The following BBOF1 variants were observed in gnomAD, a reference collection of about 807,000 sequenced individuals.
BBOF1 encodes basal body-orientation factor 1.
BBOF1 carries 62 observed loss-of-function variants against 68.0 expected under a neutral mutation model. That is an observed-to-expected ratio of 0.91 (90% CI 0.74 to 1.13). The LOEUF is 1.13. BBOF1 is among the 50% of genes most tolerant of loss of function. BBOF1 has a pLI of 0.00. For synonymous variants in BBOF1, 208 were observed against 198.8 expected (o/e 1.05, Z -0.39); for missense variants, 534 against 600.1 (o/e 0.89, Z 1.15).
chr14:74,020,703 C>T (rs2059263253), intron 1 of BBOF1, among the ~76,000 whole-genome samples: 1 of 152,232 alleles, frequency 6.6e-6, no homozygotes, highest in South Asian at 2.1e-4. Context: ...AGGGTTTCAC[C>T]ATGTTGGCCA....
intron 11 of BBOF1, chr14:74,059,849 T>C (rs1040986033): frequency 6.5e-6 from 1 of 153,966 alleles, no homozygotes; most frequent in African/African-American, 2.4e-5. Context: ...AGAAGTGATC[T>C]TAAGCAGGAG....
Position 74,019,431 on chromosome 14 carries a change from C to T in BBOF1, c.-48C>T, listed in dbSNP as rs917377393. 3 of 1,574,510 alleles carry T rather than the reference C, an allele frequency of 1.9e-6. No homozygotes were observed. The African/African-American group carries it at 4.1e-5, about 21-fold the overall frequency. On this transcript the variant is annotated 5_prime_UTR_variant, in exon 1 of 12. Coordinates refer to ENST00000394009, the MANE Select transcript of BBOF1 (RefSeq NM_025057.3). Reference sequence around the variant, plus strand: ...CCCTTGGAGACAGAGCTGGCCAGGGCGGCCGCGGCTGGGCAACTACGACAG... The same window carrying T: ...CCCTTGGAGACAGAGCTGGCCAGGGTGGCCGCGGCTGGGCAACTACGACAG...
At chr14:74,028,368 CA>C (rs894166521) in intron 2 of BBOF1, among the ~76,000 whole-genome samples, 2 of 149,008 alleles carry the variant, frequency 1.3e-5, no homozygotes, top group Admixed American at 1.3e-4. Context: ...GACTCTGTCT[CA>C]AAAAAAAGAA....
At chr14:74,050,871 G>C (rs1362527494) in intron 8 of BBOF1, among the ~76,000 whole-genome samples, 4 of 152,130 alleles carry the variant, frequency 2.6e-5, no homozygotes, top group African/African-American at 9.7e-5. Flanking sequence ...CACTTTGGGA[G>C]GCCAAGTCGG....
intron 4 of BBOF1, among the ~76,000 whole-genome samples, chr14:74,037,568 G>A (rs1012817750): frequency 1.3e-5 from 2 of 150,972 alleles, no homozygotes; most frequent in African/African-American, 4.9e-5. Flanking sequence ...AGGCTTACAG[G>A]CATGAGCCAC....
At chr14:74,076,788 G>T (rs2060618011) in intron 9 of BBOF1, among the ~76,000 whole-genome samples, 2 of 152,096 alleles carry the variant, frequency 1.3e-5, no homozygotes, top group Non-Finnish European at 2.9e-5. Context: ...GACCTCAGGT[G>T]ATCCACCCGC....
Position 74,051,001 on chromosome 14 carries a change from T to C in BBOF1, c.1286+806T>C, listed in dbSNP as rs948485633. Reference sequence around the variant, plus strand: ...GCTCATACCTGTAATCCCAGCACTTTGGGAGGCCGAGGAGGGTGGATCGCC... The same window carrying C: ...GCTCATACCTGTAATCCCAGCACTTCGGGAGGCCGAGGAGGGTGGATCGCC... On this transcript the variant is annotated intron_variant, in intron 8 of 11. Transcript: ENST00000394009. Among the ~76,000 whole-genome samples, 4 of 152,030 alleles carry C rather than the reference T, an allele frequency of 2.6e-5. No homozygotes were observed. The East Asian group carries it at 7.8e-4, about 30-fold the overall frequency.
intron 4 of BBOF1, among the ~76,000 whole-genome samples, chr14:74,037,139 AT>A (rs1454776346): frequency 2.7e-5 from 4 of 148,956 alleles, no homozygotes; most frequent in African/African-American, 4.9e-5. Context: ...TGCCCGGCTA[AT>A]TTTTTGTATT....
At chr14:74,057,103 G>A in intron 10 of BBOF1, 41 bp from the exon 11 acceptor site, 1 of 1,604,802 alleles carries the variant, frequency 6.2e-7, no homozygotes, top group Non-Finnish European at 8.5e-7. Flanking sequence ...TTTCATGTGT[G>A]TAGAGTTGTT....
chr14:74,082,391 A>AG, intron 12 of BBOF1, among the ~76,000 whole-genome samples: 1 of 104,810 alleles, frequency 9.5e-6, no homozygotes, highest in Non-Finnish European at 1.9e-5. Context: ...GCCAAAATCG[A>AG]GGTTTTTTTT....
rs565963938 is a variant in BBOF1 at position 74,048,204 on chromosome 14, C to G, written c.792+130C>G. Reference sequence around the variant, plus strand: ...CATTTTCATCTGTCTGGATGATGCACTTTTTTTATCTGAAAAGGTTAAATA... The same window carrying G: ...CATTTTCATCTGTCTGGATGATGCAGTTTTTTTATCTGAAAAGGTTAAATA... On this transcript the variant is annotated intron_variant, in intron 7 of 11. Transcript: ENST00000394009. 4.7e-5 allele frequency: 36 copies of G among 766,874 alleles called. 1 individual carries two copies. The South Asian group carries it at 7.8e-4, about 17-fold the overall frequency. 47.5% of individuals were successfully genotyped at this position (766,874 alleles called of 1,614,324 possible).
chr14:74,022,970 C>T lies in BBOF1; in HGVS notation c.111C>T (p.Ser37=). The T allele has an allele frequency of 6.2e-7, 1 of 1,613,428 alleles. No homozygotes were observed. Among genetic ancestry groups the T allele is most frequent in the Non-Finnish European group, 8.5e-7 (1 of 1,179,674 alleles). Residue 37 remains serine, a synonymous_variant, in exon 2 of 12, where the codon TCC becomes TCT. Transcript: ENST00000394009. The part of the protein sequence containing the change: ...SVVDRAKANA[S]LWEARLEVTE... ...TGGACAGAGCCAAGGCCAATGCCTC[C>T]CTTTGGGAGGCCAGGTTGGAAGTCA...
At chr14:74,048,606 G>A (rs1365371165) in intron 7 of BBOF1, 5 of 152,188 alleles carry the variant, frequency 3.3e-5, no homozygotes, top group East Asian at 3.9e-4. Context: ...TAAATAGCAG[G>A]AAGGAAGAAA....
chr14:74,080,492 C>T (rs538371017), intron 10 of BBOF1, among the ~76,000 whole-genome samples: 3 of 152,066 alleles, frequency 2.0e-5, no homozygotes, highest in Non-Finnish European at 4.4e-5. Context: ...CTTAGCCTCC[C>T]AAGTACCTGG....
chr14:74,079,724 G>A (rs1190742073), intron 10 of BBOF1, among the ~76,000 whole-genome samples: 4 of 152,064 alleles, frequency 2.6e-5, no homozygotes, highest in South Asian at 2.1e-4. Flanking sequence ...GAGCCACTGC[G>A]CCTGGCCTAA....
intron 10 of BBOF1, among the ~76,000 whole-genome samples, chr14:74,079,129 T>C (rs917803227): frequency 4.6e-5 from 7 of 151,806 alleles, no homozygotes; most frequent in African/African-American, 1.7e-4. Flanking sequence ...CTTCAGGTGA[T>C]ACCCACGTAA....
Position 74,064,918 on chromosome 14 carries a change from C to T in BBOF1, c.*219C>T, listed in dbSNP as rs1195994492. On this transcript the variant is annotated 3_prime_UTR_variant, in exon 12 of 12. Coordinates refer to ENST00000394009, the MANE Select transcript of BBOF1 (RefSeq NM_025057.3). ...GCACTGGAATGGGGACATTCACTCC[C>T]ACCTAAAACAGAACAAATCCGTGTC... 1.2e-6 allele frequency: 2 copies of T among 1,613,096 alleles called. No individual in the cohort carries two copies. The highest frequency in any genetic ancestry group is 1.7e-6 in the Non-Finnish European group (2 of 1,179,270).
At chr14:74,058,696 G>T (rs1479170951) in intron 11 of BBOF1, 1 of 151,910 alleles carries the variant, frequency 6.6e-6, no homozygotes. Context: ...AATAAAAAGA[G>T]GATTCAATTG....
At chr14:74,075,707 A>C (rs2060605594) in intron 9 of BBOF1, among the ~76,000 whole-genome samples, 1 of 152,236 alleles carries the variant, frequency 6.6e-6, no homozygotes, top group South Asian at 2.1e-4. Context: ...GTATATAATC[A>C]ATGTAAATAT....
Sources: allele counts gnomAD v4.1 joint callset (sites outside exome capture counted in the v4.1 genomes callset), GRCh38; gene constraint gnomAD v4.1.1; transcripts MANE v1.5; gene names NCBI Gene and HGNC (gene_info 2026-07-23, HGNC 2026-07-21).